FAM136A: variants seen among roughly 807,000 people sequenced by gnomAD.
FAM136A encodes TIM double twin CX3C motif chaperone.
In FAM136A, 25 loss-of-function variants were observed where a neutral mutation model predicts 21.6. The observed-to-expected ratio is 1.16, with a 90% CI of 0.84 to 1.62. The LOEUF (loss-of-function observed/expected upper bound fraction) is 1.62, where lower values mean the gene tolerates loss of function less well. Ranked by LOEUF, FAM136A falls within the 40% of genes most tolerant of loss-of-function variation. FAM136A has a pLI of 0.00. For missense variants in FAM136A, 338 were observed against 332.0 expected (o/e 1.02, Z -0.14); for synonymous variants, 119 against 129.4 (o/e 0.92, Z 0.55).
At chr2:70,300,172 T>G (rs1309614750) in intron 2 of FAM136A, among the ~76,000 whole-genome samples, 1 of 152,096 alleles carries the variant, frequency 6.6e-6, no homozygotes, top group East Asian at 1.9e-4. Context: ...AATGTTGGGA[T>G]TACAGGCGCG....
At chr2:70,297,512 G>C (rs1263225226) in intron 2 of FAM136A, 35 bp from the exon 3 acceptor site, 2 of 1,607,828 alleles carry the variant, frequency 1.2e-6, no homozygotes, top group South Asian at 2.2e-5. Context: ...AAAAAGCTGA[G>C]AGTAAGGCCT....
At position 70,301,690 on chromosome 2, in the gene FAM136A, GC is replaced by G; in HGVS notation, c.321del (p.Gln108ArgfsTer47). 1 of 1,535,370 alleles carries G rather than the reference GC, an allele frequency of 6.5e-7. No individual in the cohort carries two copies. Among genetic ancestry groups the G allele is most frequent in the South Asian group, 1.2e-5 (1 of 83,984 alleles). On this transcript the variant is annotated frameshift_variant, in exon 1 of 3. Transcript: ENST00000430566. LOFTEE classifies it high-confidence loss of function. ...CCCACCTGCCGCCGAGGACGCTCCT[GC>G]CCCGGGCTGGAAGGGGCGGAAAACA... ...ARLFSAPSSP[G>X]QERPRRQVGS...
intron 2 of FAM136A, among the ~76,000 whole-genome samples, chr2:70,298,308 C>G: frequency 6.6e-6 from 1 of 152,102 alleles, no homozygotes; most frequent in East Asian, 1.9e-4. Context: ...GTTGGTCAGG[C>G]TGGTCTCAAA....
rs755169834 is a variant in FAM136A at position 70,301,421 on chromosome 2, C to T, written c.408+183G>A. 6 of 1,533,786 alleles carry T rather than the reference C, an allele frequency of 3.9e-6. No homozygotes were observed. In the South Asian group the frequency reaches 6.0e-5, roughly 15 times the overall value. On this transcript the variant is annotated intron_variant, in intron 1 of 2. Coordinates refer to ENST00000430566, the MANE Select transcript of FAM136A (RefSeq NM_001329752.2). ...GGAAACGCATACTCCGTGAGAGAAG[C>T]AGGACCGAAACACACAGAGGCATTG...
At chr2:70,298,218 G>C (rs1379382280) in intron 2 of FAM136A, among the ~76,000 whole-genome samples, 1 of 151,884 alleles carries the variant, frequency 6.6e-6, no homozygotes, top group Non-Finnish European at 1.5e-5. Flanking sequence ...TCAGCCTCCT[G>C]AGTAGCTAGG....
intron 2 of FAM136A, among the ~76,000 whole-genome samples, chr2:70,299,446 T>C (rs111699078): frequency 1.8e-3 from 274 of 152,310 alleles, no homozygotes; most frequent in African/African-American, 6.3e-3. Context: ...CCTCTGGGTA[T>C]AGCAACTAGG....
chr2:70,300,950 A>C lies in FAM136A; in HGVS notation c.439T>G (p.Cys147Gly). Residue 147 changes from cysteine (C) to glycine (G), a missense_variant, in exon 2 of 3, where the codon TGT (cysteine) becomes GGT (glycine). By Grantham distance (159) the Cys-to-Gly change is radical. Coordinates refer to ENST00000430566, the MANE Select transcript of FAM136A (RefSeq NM_001329752.2). ...TTCATGGAGGCCTGGCTGTCCTCAC[A>C]ACAGCTGGCGCTGCACCGGAACATG... ...GLMFRCSASC[C>G]EDSQASMKQV... 6.2e-7 allele frequency: 1 copy of C among 1,613,052 alleles called. No individual in the cohort carries two copies. The highest frequency in any genetic ancestry group is 8.5e-7 in the Non-Finnish European group (1 of 1,179,070).
rs1187651234 is a variant in FAM136A, at chr2:70,297,175, T to C, written c.*114A>G. 1 of 1,078,690 alleles carries C rather than the reference T, an allele frequency of 9.3e-7. No homozygotes were observed. Among genetic ancestry groups the C allele is most frequent in the African/African-American group, 1.6e-5 (1 of 62,536 alleles). 66.8% of individuals were successfully genotyped at this position (1,078,690 alleles called of 1,614,324 possible). A position where few individuals can be genotyped will look rare whatever the true frequency, so the allele number is the denominator to read the frequency against. On this transcript the variant is annotated 3_prime_UTR_variant, in exon 3 of 3. Transcript: ENST00000430566. ...AGGCAAGTGACATATGCCTTACGCT[T>C]GTGGCCATCCTTCATTTCTTCATTC...
rs1435055739 is a variant in FAM136A at position 70,297,232 on chromosome 2, A to AT, written c.*56dup. On this transcript the variant is annotated 3_prime_UTR_variant, in exon 3 of 3. Coordinates refer to ENST00000430566, the MANE Select transcript of FAM136A (RefSeq NM_001329752.2). Reference sequence around the variant, plus strand: ...TTTGCTTAAAAGACTAAAATTCCCAATTCCTTATAAAAAATATATTCTTGC... The same window carrying AT: ...TTTGCTTAAAAGACTAAAATTCCCAATTTCCTTATAAAAAATATATTCTTGC... The AT allele has an allele frequency of 1.3e-6, 2 of 1,547,600 alleles. No homozygotes were observed. Among genetic ancestry groups the AT allele is most frequent in the Middle Eastern group, 1.7e-4 (1 of 5,794 alleles).
Position 70,297,208 on chromosome 2 carries a change from T to G in FAM136A, c.*81A>C. The stretch of plus-strand genomic sequence containing the variant: ...TCCTTCATTTCTTCATTCGTAAACT[T>G]TGCTTAAAAGACTAAAATTCCCAAT... On this transcript the variant is annotated 3_prime_UTR_variant, in exon 3 of 3. Coordinates refer to ENST00000430566, the MANE Select transcript of FAM136A (RefSeq NM_001329752.2). 6.9e-7 allele frequency: 1 copy of G among 1,439,052 alleles called. No individual in the cohort carries two copies. The highest frequency in any genetic ancestry group is 9.4e-7 in the Non-Finnish European group (1 of 1,062,958). The allele number at this position is 1,439,052 out of a possible 1,614,324, so 89.1% of individuals were successfully genotyped here.
In FAM136A at chr2:70,302,047, G is replaced by GCGCCCATATGGAATCGGCGTACGGGCC. The variant is rs552103124; in HGVS notation, c.-37_-36insGGCCCGTACGCCGATTCCATATGGGCG. 2,309 of 1,544,786 alleles carry GCGCCCATATGGAATCGGCGTACGGGCC rather than the reference G, an allele frequency of 1.5e-3. 36 individuals are homozygous for GCGCCCATATGGAATCGGCGTACGGGCC. The African/African-American group carries it at 0.028, about 19-fold the overall frequency. The stretch of plus-strand genomic sequence containing the variant: ...CGCTGCCCCGCGGCGCTCCGCGCCG[G>GCGCCCATATGGAATCGGCGTACGGGCC]CGCCCATATGGAATCGGCGTACGGG... On this transcript the variant is annotated 5_prime_UTR_variant, in exon 1 of 3. The change creates a new upstream start codon in the 5' untranslated region. Transcript: ENST00000430566.
intron 2 of FAM136A, 144 bp from the exon 3 acceptor site, chr2:70,297,621 G>GTTTTTT (rs55803921): frequency 2.3e-4 from 57 of 250,532 alleles, no homozygotes; most frequent in South Asian, 6.5e-4. Flanking sequence ...GATTGGCCAA[G>GTTTTTT]TTTTTTTTTT....
chr2:70,301,384 G>T, intron 1 of FAM136A: 1 of 1,519,862 alleles, frequency 6.6e-7, no homozygotes. Flanking sequence ...ATGACTCAAG[G>T]GGCACTATCT....
chr2:70,297,903 AG>A lies in FAM136A; in HGVS notation c.550-427del, dbSNP rs917230955. Among the ~76,000 whole-genome samples, 3 of 151,694 alleles carry A rather than the reference AG, an allele frequency of 2.0e-5. No individual in the cohort carries two copies. In the East Asian group the frequency reaches 5.8e-4, roughly 30 times the overall value. ...TGATCCTCCCTCCTTGGCTTCCCAA[AG>A]TGTTGGGATTAGAGGTGTGAGCCAC... On this transcript the variant is annotated intron_variant, in intron 2 of 2. Coordinates refer to ENST00000430566, the MANE Select transcript of FAM136A (RefSeq NM_001329752.2).
rs769746473 is a variant in FAM136A, at chr2:70,300,969, G to T, written c.420C>A (p.Phe140Leu). Reference sequence around the variant, plus strand: ...CCTCACAACAGCTGGCGCTGCACCGGAACATGAGACCCTGGGGAGAAAGGG... The same window carrying T: ...CCTCACAACAGCTGGCGCTGCACCGTAACATGAGACCCTGGGGAGAAAGGG... ...LTRPLPQGLM[F>L]RCSASCCEDS... Residue 140 changes from phenylalanine (F) to leucine (L), a missense_variant, in exon 2 of 3, where the codon TTC (phenylalanine) becomes TTA (leucine). By Grantham distance (22) the Phe-to-Leu change is conservative. Coordinates refer to ENST00000430566, the MANE Select transcript of FAM136A (RefSeq NM_001329752.2). 1 of 1,611,670 alleles carries T rather than the reference G, an allele frequency of 6.2e-7. No individual in the cohort carries two copies. Among genetic ancestry groups the T allele is most frequent in the Admixed American group, 1.7e-5 (1 of 59,972 alleles).
rs1449930027 is a variant in FAM136A, at chr2:70,297,167, C to T, written c.*122G>A. The T allele has an allele frequency of 4.0e-6, 4 of 1,003,484 alleles. No homozygotes were observed. The highest frequency in any genetic ancestry group is 3.4e-5 in the South Asian group (2 of 59,040). The allele number at this position is 1,003,484 out of a possible 1,614,324, so 62.2% of individuals were successfully genotyped here. ...GTGTCCAGAGGCAAGTGACATATGC[C>T]TTACGCTTGTGGCCATCCTTCATTT... On this transcript the variant is annotated 3_prime_UTR_variant, in exon 3 of 3. Transcript: ENST00000430566.
chr2:70,301,176 G>T, intron 1 of FAM136A, 196 bp from the exon 2 acceptor site: 1 of 774,544 alleles, frequency 1.3e-6, no homozygotes, highest in Non-Finnish European at 2.0e-6. Flanking sequence ...CTAGTGTAGT[G>T]TTTCATGGTG....
chr2:70,297,800 T>A (rs1389719537), intron 2 of FAM136A, among the ~76,000 whole-genome samples: 2 of 151,720 alleles, frequency 1.3e-5, no homozygotes, highest in Non-Finnish European at 2.9e-5. Context: ...TCTTGGCTAA[T>A]ACTTTCTTAA....
At position 70,302,014 on chromosome 2, in the gene FAM136A, C is replaced by A. The variant is rs766586035; in HGVS notation, c.-3G>T. The A allele has an allele frequency of 5.7e-6, 9 of 1,588,174 alleles. No individual in the cohort carries two copies. In the East Asian group the frequency reaches 1.8e-4, roughly 33 times the overall value. On this transcript the variant is annotated 5_prime_UTR_variant, in exon 1 of 3. Transcript: ENST00000430566. The stretch of plus-strand genomic sequence containing the variant: ...CGGAGCTGCTGCAGCTCAGCCATGG[C>A]GACCCCGCGCTGCCCCGCGGCGCTC...
Sources: allele counts gnomAD v4.1 joint callset (sites outside exome capture counted in the v4.1 genomes callset), GRCh38; gene constraint gnomAD v4.1.1; transcripts MANE v1.5; gene names NCBI Gene and HGNC (gene_info 2026-07-23, HGNC 2026-07-21).